CLN8: variants seen among roughly 807,000 people sequenced by gnomAD.
The protein encoded by CLN8 is CLN8 transmembrane ER and ERGIC protein, also known as protein CLN8.
A neutral mutation model predicts 15.7 loss-of-function variants in CLN8; 14 were observed. That is an observed-to-expected ratio of 0.89 (90% confidence interval 0.59 to 1.39). CLN8 has a LOEUF of 1.39. CLN8 is among the 40% of genes most tolerant of loss of function. The pLI is 0.00. For synonymous variants in CLN8, 188 were observed against 151.0 expected, an observed-to-expected ratio of 1.25 and a Z score of -1.80; for missense variants, 415 against 364.0, an observed-to-expected ratio of 1.14 and a Z score of -1.14.
intron 1 of CLN8, chr8:1,764,423 G>C (rs1800959719): frequency 6.6e-6 from 1 of 152,362 alleles, no homozygotes. Flanking sequence ...GGGCAAGTAC[G>C]GTCAGCTCAC....
At chr8:1,776,784 G>A (rs573647755) in intron 2 of CLN8, among the ~76,000 whole-genome samples, 7 of 152,296 alleles carry the variant, frequency 4.6e-5, no homozygotes, top group African/African-American at 1.7e-4. Flanking sequence ...ATGTTCACTC[G>A]AACAGGGGTA....
rs373160628 is a variant in CLN8, at chr8:1,769,487, G to C, written c.-123-1445G>C. Among the ~76,000 whole-genome samples, 70 of 152,294 alleles carry C rather than the reference G, an allele frequency of 4.6e-4. No individual in the cohort carries two copies. In the South Asian group the frequency reaches 0.011, roughly 24 times the overall value. ...GGAGTGTGGTGTTCCCAGCCCTGCT[G>C]TCTGTTCGCTGGGTGTGAGTGACAA... On this transcript the variant is annotated intron_variant, in intron 1 of 2. Coordinates refer to ENST00000331222, the MANE Select transcript of CLN8 (RefSeq NM_018941.4).
At chr8:1,754,286 C>A (rs757736870), upstream of CLN8, among the ~76,000 whole-genome samples, 2 of 152,196 alleles carry the variant, frequency 1.3e-5, no homozygotes, top group Non-Finnish European at 2.9e-5. Context: ...TCTAATAAAT[C>A]TGCCTTTCTT....
At chr8:1,766,956 A>G (rs7465178) in intron 1 of CLN8, among the ~76,000 whole-genome samples, 129,886 of 152,250 alleles carry the variant, frequency 0.85, 56,001 homozygotes, top group African/African-American at 0.96. Context: ...GTGGGTGCCC[A>G]CCTTGTGACT....
chr8:1,765,030 C>T (rs1181942320), intron 1 of CLN8: 1 of 152,188 alleles, frequency 6.6e-6, no homozygotes, highest in South Asian at 2.1e-4. Context: ...GGCCACAGCT[C>T]CCCACTGAGC....
At chr8:1,759,387 C>T (rs964124785), upstream of CLN8, 9 of 152,248 alleles carry the variant, frequency 5.9e-5, no homozygotes, top group East Asian at 1.9e-4. Flanking sequence ...TGTACAGCCA[C>T]GGAGAGGGTG....
In CLN8 at chr8:1,771,549, C is replaced by G. The variant is rs772106347; in HGVS notation, c.495C>G (p.Leu165=). ...AGHYLAMTTL[L]LEMSTPFTCV... is the part of the protein sequence containing the mutation. ...ACTATCTAGCTATGACCACGTTGCT[C>G]CTGGAGATGAGCACGCCCTTTACCT... The change falls in exon 2 of 3, where the codon CTC becomes CTG. Residue 165 remains leucine (L), a synonymous_variant. Coordinates refer to ENST00000331222, the MANE Select transcript of CLN8 (RefSeq NM_018941.4). 1 of 1,614,138 alleles carries G rather than the reference C, an allele frequency of 6.2e-7. No individual in the cohort carries two copies. Among genetic ancestry groups the G allele is most frequent in the South Asian group, 1.1e-5 (1 of 91,086 alleles).
At chr8:1,758,955 G>C (rs1016533525), upstream of CLN8, 2 of 152,204 alleles carry the variant, frequency 1.3e-5, no homozygotes, top group African/African-American at 4.8e-5. Flanking sequence ...TTCCCCTCAA[G>C]AGACAGCCGT....
upstream of CLN8, chr8:1,760,170 G>C (rs769538922): frequency 6.6e-6 from 1 of 152,154 alleles, no homozygotes; most frequent in Non-Finnish European, 1.5e-5. Flanking sequence ...GCTAACCTCA[G>C]GCTCACTGAA....
intron 1 of CLN8, among the ~76,000 whole-genome samples, chr8:1,757,860 T>G (rs1800708189): frequency 6.6e-6 from 1 of 152,242 alleles, no homozygotes; most frequent in Non-Finnish European, 1.5e-5. Flanking sequence ...GTTATCATTT[T>G]CAACAGGAAG....
At chr8:1,766,596 T>C (rs577917753) in intron 1 of CLN8, among the ~76,000 whole-genome samples, 9 of 152,190 alleles carry the variant, frequency 5.9e-5, no homozygotes, top group African/African-American at 2.2e-4. Context: ...TTTCACCATG[T>C]TAGCCAGGAT....
Position 1,765,674 on chromosome 8 carries a change from A to G in CLN8, c.-124+1789A>G, listed in dbSNP as rs76112237. ...ACTAGGATTTTCTTAGTGAGTGGGT[A>G]ACAGGAATGCTGAGAGAAGATTGCC... is the stretch of plus-strand genomic sequence containing the variant. On this transcript the variant is annotated intron_variant, in intron 1 of 2. Coordinates refer to ENST00000331222, the MANE Select transcript of CLN8 (RefSeq NM_018941.4). Among the ~76,000 whole-genome samples the G allele has an allele frequency of 7.8e-3, 1,187 of 152,358 alleles. 26 individuals carry two copies. Among genetic ancestry groups the G allele is most frequent in the African/African-American group, 0.027 (1,129 of 41,582 alleles).
At chr8:1,776,821 A>C (rs1801538010) in intron 2 of CLN8, among the ~76,000 whole-genome samples, 1 of 152,168 alleles carries the variant, frequency 6.6e-6, no homozygotes, top group African/African-American at 2.4e-5. Context: ...CACGCTGTTC[A>C]TTTGGCCTCA....
At chr8:1,773,080 G>A (rs942953610) in intron 2 of CLN8, 12 of 396,540 alleles carry the variant, frequency 3.0e-5, no homozygotes, top group African/African-American at 2.1e-4. Flanking sequence ...CCGGGTGTCA[G>A]ATACTGTGCT....
At chr8:1,770,863 G>A (rs1236691625) in intron 1 of CLN8, 69 bp from the exon 2 acceptor site, 1 of 615,908 alleles carries the variant, frequency 1.6e-6, no homozygotes, top group African/African-American at 1.8e-5. Flanking sequence ...TTTAATGTTT[G>A]CGTTACTGGG....
chr8:1,769,349 G>C (rs972105945), intron 1 of CLN8, among the ~76,000 whole-genome samples: 17 of 152,144 alleles, frequency 1.1e-4, no homozygotes, highest in African/African-American at 3.6e-4. Context: ...GCAAGTTTTT[G>C]CTGAATGGCC....
Position 1,786,553 on chromosome 8 carries a change from A to C in CLN8, c.*5986A>C, listed in dbSNP as rs1188847852. The C allele has an allele frequency of 6.6e-6, 1 of 152,220 alleles. No individual in the cohort carries two copies. The highest frequency in any genetic ancestry group is 1.5e-5 in the Non-Finnish European group (1 of 68,044). 9.4% of individuals were successfully genotyped at this position (152,220 alleles called of 1,614,324 possible). A position where few individuals can be genotyped will look rare whatever the true frequency, so the allele number is the denominator to read the frequency against. ...ACTTGCCTAATCATGTTTAAAATAT[A>C]GTGATGTGAAAAATTCAGACGTCTC... On this transcript the variant is annotated 3_prime_UTR_variant, in exon 3 of 3. Coordinates refer to ENST00000331222, the MANE Select transcript of CLN8 (RefSeq NM_018941.4).
chr8:1,760,931 A>G (rs1267307840), upstream of CLN8, among the ~76,000 whole-genome samples: 1 of 152,132 alleles, frequency 6.6e-6, no homozygotes, highest in Non-Finnish European at 1.5e-5. Context: ...CAGTGTGACA[A>G]GATCTAGTAC....
At position 1,785,937 on chromosome 8, in the gene CLN8, G is replaced by A. The variant is rs1297749100; in HGVS notation, c.*5370G>A. On this transcript the variant is annotated 3_prime_UTR_variant, in exon 3 of 3. Transcript: ENST00000331222. ...CCCCACTCACACAGCAGCCTAGGAA[G>A]GAAGGGCAGAGTCCCAGGTGTCAGC... The A allele has an allele frequency of 1.3e-5, 2 of 153,430 alleles. No individual in the cohort carries two copies. The highest frequency in any genetic ancestry group is 4.8e-5 in the African/African-American group (2 of 41,452). 9.5% of individuals were successfully genotyped at this position (153,430 alleles called of 1,614,324 possible).
Sources: allele counts gnomAD v4.1 joint callset (sites outside exome capture counted in the v4.1 genomes callset), GRCh38; gene constraint gnomAD v4.1.1; transcripts MANE v1.5; gene names NCBI Gene and HGNC (gene_info 2026-07-23, HGNC 2026-07-21).